MRPL38: variants seen among roughly 807,000 people sequenced by gnomAD.
MRPL38 encodes large ribosomal subunit protein mL38.
MRPL38 carries 51 observed loss-of-function variants against 52.1 expected under a neutral mutation model. The observed-to-expected ratio is 0.98, with a 90% CI of 0.78 to 1.24. MRPL38 has a LOEUF of 1.24. Among genes scored for constraint, MRPL38 ranks in the 50% most tolerant of loss-of-function variants. The pLI, the probability that MRPL38 is intolerant of heterozygous loss-of-function variation, is 0.00. For missense variants in MRPL38, 527 were observed against 518.6 expected (o/e 1.02, Z -0.16); for synonymous variants, 245 against 212.7 (o/e 1.15, Z -1.32).
rs1207179236 is a variant in MRPL38, at chr17:75,899,168, G to C, written c.996C>G (p.His332Gln). The change falls in exon 8 of 9, where the codon CAC becomes CAG. Residue 332 changes from histidine (H) to glutamine (Q), a missense_variant. By Grantham distance (24) the His-to-Gln change is conservative (BLOSUM62 0). Coordinates refer to ENST00000309352, the MANE Select transcript of MRPL38 (RefSeq NM_032478.4). ...CCCCATGGCCCTTACCCAGAAGCTG[G>C]TGGAAGATGTAGGTGACGGAGTCAT... ...RWDDSVTYIFHQLLDMREPVF... is the reference protein window; with the variant it reads ...RWDDSVTYIFQQLLDMREPVF... 1.6e-5 allele frequency: 26 copies of C among 1,603,410 alleles called. No individual in the cohort carries two copies. Among genetic ancestry groups the C allele is most frequent in the East Asian group, 1.3e-4 (6 of 44,516 alleles).
chr17:75,899,310 G>A lies in MRPL38; in HGVS notation c.870-16C>T. 6 of 1,609,970 alleles carry A rather than the reference G, an allele frequency of 3.7e-6. No individual in the cohort carries two copies. The highest frequency in any genetic ancestry group is 5.1e-6 in the Non-Finnish European group (6 of 1,178,086). On this transcript the variant is annotated splice_polypyrimidine_tract_variant and intron_variant, in intron 7 of 8. Coordinates refer to ENST00000309352, the MANE Select transcript of MRPL38 (RefSeq NM_032478.4). ...CAGCTGATAGCTATGAGAAGATAGA[G>A]AGCGTATGAGAGTGTGGAGTGGGGC...
Position 75,901,217 on chromosome 17 carries a change from C to T in MRPL38, c.648G>A (p.Leu216=), listed in dbSNP as rs765516973. Residue 216 remains leucine, a synonymous_variant, in exon 5 of 9, where the codon TTG becomes TTA. Transcript: ENST00000309352. The surrounding 1 kb of genome is among the most constrained non-coding windows in gnomAD (Gnocchi z 5.7). ...GACACCCACCCAAGCTAGTGAGTAG[C>T]AACGTCCACAAGGAGCCCTCTTCTG... ...YEAEEGSLWT[L]LLTSLDGHLL... is the part of the protein sequence containing the mutation. 2 of 1,613,584 alleles carry T rather than the reference C, an allele frequency of 1.2e-6. No individual in the cohort carries two copies. The highest frequency in any genetic ancestry group is 1.7e-5 in the Admixed American group (1 of 59,998).
In MRPL38 at chr17:75,901,107, G is replaced by A. The variant is rs535517378; in HGVS notation, c.665-80C>T. ...CCCTCCCTTGTTAGGAGCCAGCGCT[G>A]GAGATCTCCACCTGGCCCCTCCCCC... On this transcript the variant is annotated intron_variant, in intron 5 of 8. Coordinates refer to ENST00000309352, the MANE Select transcript of MRPL38 (RefSeq NM_032478.4). The surrounding 1 kb of genome is among the most constrained non-coding windows in gnomAD (Gnocchi z 5.7). 1.6e-5 allele frequency: 25 copies of A among 1,593,096 alleles called. No individual in the cohort carries two copies. Among genetic ancestry groups the A allele is most frequent in the Non-Finnish European group, 2.0e-5 (24 of 1,170,976 alleles).
chr17:75,898,892 G>A lies in MRPL38; in HGVS notation c.1101C>T (p.Asp367=), dbSNP rs2065389567. 2 of 1,611,752 alleles carry A rather than the reference G, an allele frequency of 1.2e-6. No homozygotes were observed. Among genetic ancestry groups the A allele is most frequent in the Non-Finnish European group, 1.7e-6 (2 of 1,179,430 alleles). The change falls in exon 9 of 9, where the codon GAC becomes GAT. Residue 367 remains aspartate (D), a synonymous_variant. Coordinates refer to ENST00000309352, the MANE Select transcript of MRPL38 (RefSeq NM_032478.4). ...TGGGCTCATGACTGTCCCTGTACCG[G>A]TCCAGGTAGCGCAGGGGCTGCCGGT... ...FPHRQPLRYL[D]RYRDSHEPTY... is the part of the protein sequence containing the mutation.
intron 2 of MRPL38, among the ~76,000 whole-genome samples, chr17:75,902,826 A>C (rs1026088599): frequency 2.0e-5 from 3 of 152,092 alleles, no homozygotes; most frequent in Admixed American, 2.0e-4. Context: ...GGTTCAAGCA[A>C]TTCTCCTGTC....
rs1327233922 is a variant in MRPL38 at position 75,901,995 on chromosome 17, T to C, written c.382+25A>G. 5.0e-6 allele frequency: 8 copies of C among 1,612,708 alleles called. No individual in the cohort carries two copies. Among genetic ancestry groups the C allele is most frequent in the Non-Finnish European group, 6.8e-6 (8 of 1,179,000 alleles). On this transcript the variant is annotated intron_variant, in intron 3 of 8. Coordinates refer to ENST00000309352, the MANE Select transcript of MRPL38 (RefSeq NM_032478.4). This position sits in a 1 kb window ranked among gnomAD's most constrained non-coding sequence, Gnocchi z 5.7. ...CACACCCTGTACCCCAACTCTGGGA[T>C]GGCCCCTCCCCTGAGAAGGCTTACC...
At position 75,901,759 on chromosome 17, in the gene MRPL38, C is replaced by T. The variant is rs771307295; in HGVS notation, c.544G>A (p.Asp182Asn). 3 of 1,613,656 alleles carry T rather than the reference C, an allele frequency of 1.9e-6. No individual in the cohort carries two copies. Among genetic ancestry groups the T allele is most frequent in the South Asian group, 2.2e-5 (2 of 91,088 alleles). Residue 182 changes from aspartate to asparagine, a missense_variant, in exon 4 of 9, where the codon GAT becomes AAT. Physicochemically the swap from Asp to Asn is conservative, Grantham distance 23. Coordinates refer to ENST00000309352, the MANE Select transcript of MRPL38 (RefSeq NM_032478.4). The surrounding 1 kb of genome is among the most constrained non-coding windows in gnomAD (Gnocchi z 5.7). Reference sequence around the variant, plus strand: ...CCACAGTACACAGGCATCAGGTCATCCTCACCCACAGCGTAGGCCACGTGC... The same window carrying T: ...CCACAGTACACAGGCATCAGGTCATTCTCACCCACAGCGTAGGCCACGTGC... ...PLHVAYAVGE[D>N]DLMPVYCGNE...
intron 6 of MRPL38, chr17:75,900,733 A>G: frequency 7.6e-7 from 1 of 1,323,628 alleles, no homozygotes; most frequent in East Asian, 2.9e-5. Context: ...AAAAAAAAAA[A>G]AAAAAGAAAA....
intron 2 of MRPL38, among the ~76,000 whole-genome samples, chr17:75,903,885 C>T (rs1425821714): frequency 3.9e-5 from 6 of 152,066 alleles, no homozygotes; most frequent in East Asian, 1.9e-4. Context: ...TGCGACACCA[C>T]GCCCAGTTAA....
chr17:75,899,654 C>G lies in MRPL38; in HGVS notation c.731G>C (p.Arg244Pro), dbSNP rs145518548. The G allele has an allele frequency of 1.3e-6, 2 of 1,579,844 alleles. No individual in the cohort carries two copies. The highest frequency in any genetic ancestry group is 1.7e-6 in the Non-Finnish European group (2 of 1,161,200). ...HWLLTNIPGNRVAEGQVTCPY... is the reference protein window; with the variant it reads ...HWLLTNIPGNPVAEGQVTCPY... ...ACACGTCACCTGTCCTTCAGCCACC[C>G]GGTTACCCGGGATGTTGGTTCTGGG... Residue 244 changes from arginine (R) to proline (P), a missense_variant, in exon 7 of 9, where the codon CGG becomes CCG. By Grantham distance (103) the Arg-to-Pro change is moderately radical. Transcript: ENST00000309352.
At chr17:75,904,218 T>TTC (rs2065418000) in intron 2 of MRPL38, 2 of 544,046 alleles carry the variant, frequency 3.7e-6, no homozygotes, top group Non-Finnish European at 3.6e-6. Flanking sequence ...GTGGCCAGAG[T>TTC]TACCTACAGA....
intron 8 of MRPL38, 58 bp from the exon 9 acceptor site, chr17:75,899,044 G>A: frequency 6.5e-7 from 1 of 1,539,444 alleles, no homozygotes; most frequent in African/African-American, 1.4e-5. Flanking sequence ...CTCAGGCTGA[G>A]GCCTGCCCAC....
chr17:75,901,613 GAAC>G lies in MRPL38; in HGVS notation c.591+96_591+98del, dbSNP rs1599473292. 9.9e-7 allele frequency: 1 copy of G among 1,011,540 alleles called. No homozygotes were observed. Among genetic ancestry groups the G allele is most frequent in the South Asian group, 1.4e-5 (1 of 73,282 alleles). 62.7% of individuals were successfully genotyped at this position (1,011,540 alleles called of 1,614,324 possible). ...TCTTCCAGGAAATCAAAGAGACAGAGAACAACAAAATTCCAAACCCAGGAGTGT... is the reference window on the plus strand; with the variant it reads ...TCTTCCAGGAAATCAAAGAGACAGAGAACAAAATTCCAAACCCAGGAGTGT... On this transcript the variant is annotated intron_variant, in intron 4 of 8. Coordinates refer to ENST00000309352, the MANE Select transcript of MRPL38 (RefSeq NM_032478.4). The surrounding 1 kb of genome is among the most constrained non-coding windows in gnomAD (Gnocchi z 5.7).
chr17:75,904,384 C>T (rs1353233523), intron 2 of MRPL38, 156 bp downstream of exon 2: 3 of 823,070 alleles, frequency 3.6e-6, no homozygotes, highest in East Asian at 2.7e-5. Flanking sequence ...GGTGATTAAG[C>T]TGCCGATAGC....
chr17:75,904,355 A>G, intron 2 of MRPL38, 185 bp downstream of exon 2: 1 of 731,228 alleles, frequency 1.4e-6, no homozygotes, highest in Non-Finnish European at 2.5e-6. Flanking sequence ...TGAGGTGCAG[A>G]AGGTGTGAAA....
In MRPL38 at chr17:75,899,205, T is replaced by C. The variant is rs1444168822; in HGVS notation, c.959A>G (p.Gln320Arg). 1 of 1,608,626 alleles carries C rather than the reference T, an allele frequency of 6.2e-7. No homozygotes were observed. Among genetic ancestry groups the C allele is most frequent in the Non-Finnish European group, 8.5e-7 (1 of 1,177,764 alleles). Residue 320 changes from glutamine to arginine, a missense_variant, in exon 8 of 9, where the codon CAG becomes CGG. Coordinates refer to ENST00000309352, the MANE Select transcript of MRPL38 (RefSeq NM_032478.4). ...TMTPAGLSFF[Q>R]CRWDDSVTYI... is the part of the protein sequence containing the mutation. ...GGTGACGGAGTCATCCCAGCGGCAC[T>C]GGAAGAAGGACAAGCCGGCTGGAGT...
intron 1 of MRPL38, 27 bp downstream of exon 1, chr17:75,904,782 C>CG (rs1567854094): frequency 9.8e-6 from 11 of 1,127,238 alleles, no homozygotes; most frequent in South Asian, 1.7e-5. Context: ...CCCCCCCCCC[C>CG]CCCCCGCAGA....
chr17:75,901,824 T>A lies in MRPL38; in HGVS notation c.479A>T (p.Asp160Val). 1.2e-6 allele frequency: 2 copies of A among 1,613,378 alleles called. No individual in the cohort carries two copies. The highest frequency in any genetic ancestry group is 2.7e-5 in the African/African-American group (2 of 74,990). ...RLAEYYGLYR[D>V]LFHGATFVPR... The stretch of plus-strand genomic sequence containing the variant: ...CACAAAGGTGGCACCGTGGAACAGG[T>A]CTCGGTAGAGGCCGTAATACTCAGC... Residue 160 changes from aspartate to valine, a missense_variant, in exon 4 of 9, where the codon GAC becomes GTC. Transcript: ENST00000309352. The surrounding 1 kb of genome is among the most constrained non-coding windows in gnomAD (Gnocchi z 5.7).
Position 75,899,521 on chromosome 17 carries a change from T to C in MRPL38, c.864A>G (p.Ser288=). ...PIDFSEDARP[S]PCYQLAQRTF... is the part of the protein sequence containing the mutation. ...GTGTGGGTGGTGTAGATTACCAGGG[T>C]GAGGGGCGTGCGTCCTCAGAGAAGT... Residue 288 remains serine, a synonymous_variant, in exon 7 of 9, where the codon TCA becomes TCG. Coordinates refer to ENST00000309352, the MANE Select transcript of MRPL38 (RefSeq NM_032478.4). 1.9e-6 allele frequency: 3 copies of C among 1,582,662 alleles called. No homozygotes were observed. Among genetic ancestry groups the C allele is most frequent in the Non-Finnish European group, 2.6e-6 (3 of 1,160,096 alleles).
Sources: gnomAD v4.1 joint callset for allele counts (sites outside exome capture counted in the v4.1 genomes callset) on GRCh38, gnomAD v4.1.1 for gene constraint, Gnocchi (gnomAD v3.1) non-coding constraint, MANE v1.5 for transcripts, NCBI Gene and HGNC (gene_info 2026-07-23, HGNC 2026-07-21) for gene names.